KCNH5: variants seen among roughly 807,000 people sequenced by gnomAD.
The protein encoded by KCNH5 is potassium voltage-gated channel subfamily H member 5, also known as voltage-gated delayed rectifier potassium channel KCNH5.
In KCNH5, 46 loss-of-function variants were observed where a neutral mutation model predicts 96.1. The observed-to-expected ratio is 0.48, with a 90% confidence interval of 0.38 to 0.61. The LOEUF (loss-of-function observed/expected upper bound fraction) is 0.61, where lower values mean the gene tolerates loss of function less well. KCNH5 is among the 20% of genes least tolerant of loss of function. The pLI, the probability that KCNH5 is intolerant of heterozygous loss-of-function variation, is 0.00. For missense variants in KCNH5, 907 were observed against 1,225.8 expected (o/e 0.74, Z 3.88); for synonymous variants, 439 against 449.8 (o/e 0.98, Z 0.30).
At chr14:62,962,678 G>T (rs924174473) in intron 6 of KCNH5, among the ~76,000 whole-genome samples, 42 of 152,108 alleles carry the variant, frequency 2.8e-4, no homozygotes, top group African/African-American at 9.9e-4. Flanking sequence ...GGATACTATG[G>T]AAAGTTGCTG....
At chr14:62,728,033 T>C (rs1006125051) in intron 10 of KCNH5, among the ~76,000 whole-genome samples, 5 of 150,208 alleles carry the variant, frequency 3.3e-5, no homozygotes, top group African/African-American at 1.2e-4. Context: ...TGTATGCTTA[T>C]CAATAGTCAG....
intron 6 of KCNH5, among the ~76,000 whole-genome samples, chr14:62,967,017 G>A (rs1388867816): frequency 6.6e-6 from 1 of 152,034 alleles, no homozygotes. Flanking sequence ...AGGTTGTGTT[G>A]GTAATGTTTG....
chr14:62,863,881 T>G (rs572310274), intron 7 of KCNH5, among the ~76,000 whole-genome samples: 6 of 152,266 alleles, frequency 3.9e-5, no homozygotes, highest in African/African-American at 1.4e-4. Context: ...GTATACTTTT[T>G]TATATGTATC....
intron 7 of KCNH5, among the ~76,000 whole-genome samples, chr14:62,920,664 G>T (rs1322268437): frequency 6.6e-6 from 1 of 152,042 alleles, no homozygotes; most frequent in African/African-American, 2.4e-5. Context: ...GGGTATGTTT[G>T]TATCAAGAAA....
intron 7 of KCNH5, among the ~76,000 whole-genome samples, chr14:62,883,483 T>C (rs1006129200): frequency 3.3e-5 from 5 of 152,174 alleles, no homozygotes; most frequent in African/African-American, 9.7e-5. Flanking sequence ...AAGATCAAAA[T>C]TCCAGGACAC....
At chr14:62,721,495 A>ACTTG (rs1555352768) in intron 10 of KCNH5, among the ~76,000 whole-genome samples, 3 of 60,344 alleles carry the variant, frequency 5.0e-5, no homozygotes, top group South Asian at 7.2e-4. Context: ...TCTCTCACTC[A>ACTTG]CTCGCTCTCT....
At chr14:62,972,696 A>C (rs918914670) in intron 6 of KCNH5, among the ~76,000 whole-genome samples, 1 of 152,180 alleles carries the variant, frequency 6.6e-6, no homozygotes, top group African/African-American at 2.4e-5. Context: ...ATGAGCTATC[A>C]AGCCTTGAAA....
intron 1 of KCNH5, among the ~76,000 whole-genome samples, chr14:63,021,531 C>T (rs960922229): frequency 6.6e-6 from 1 of 152,146 alleles, no homozygotes; most frequent in Non-Finnish European, 1.5e-5. Context: ...ATGCCACATT[C>T]ACTGAATACC....
chr14:63,007,216 T>C (rs1891143585), intron 2 of KCNH5, among the ~76,000 whole-genome samples: 1 of 151,910 alleles, frequency 6.6e-6, no homozygotes, highest in Non-Finnish European at 1.5e-5. Flanking sequence ...CCAGAGGAGG[T>C]GACACCAGTT....
chr14:62,967,518 C>G (rs573127066), intron 6 of KCNH5, among the ~76,000 whole-genome samples: 1 of 152,080 alleles, frequency 6.6e-6, no homozygotes, highest in African/African-American at 2.4e-5. Context: ...TTTGTTAACC[C>G]TTTACCTAAA....
chr14:62,965,726 A>T (rs1255614026), intron 6 of KCNH5, among the ~76,000 whole-genome samples: 1 of 152,132 alleles, frequency 6.6e-6, no homozygotes, highest in Non-Finnish European at 1.5e-5. Flanking sequence ...TTAACAATTG[A>T]TCTAGTGATC....
chr14:62,950,833 A>G (rs1889990852), intron 6 of KCNH5, among the ~76,000 whole-genome samples: 1 of 152,214 alleles, frequency 6.6e-6, no homozygotes, highest in South Asian at 2.1e-4. Context: ...TCATAAGTAG[A>G]ATATAAATGG....
chr14:62,836,616 T>C (rs1487855078), intron 8 of KCNH5, among the ~76,000 whole-genome samples: 1 of 152,170 alleles, frequency 6.6e-6, no homozygotes, highest in African/African-American at 2.4e-5. Flanking sequence ...AGAGCCATCC[T>C]TCTCTATGTT....
At chr14:62,968,605 T>C (rs551269224) in intron 6 of KCNH5, among the ~76,000 whole-genome samples, 2 of 152,128 alleles carry the variant, frequency 1.3e-5, no homozygotes, top group South Asian at 2.1e-4. Flanking sequence ...GAAGAAAGAG[T>C]TTAGAGCACA....
At chr14:62,714,687 A>G (rs1041878854) in intron 10 of KCNH5, among the ~76,000 whole-genome samples, 2 of 152,222 alleles carry the variant, frequency 1.3e-5, no homozygotes, top group Admixed American at 6.5e-5. Flanking sequence ...TTGAGTTCAT[A>G]AGAGTTCAAC....
rs569798533 is a variant in KCNH5, at chr14:62,787,119, T to TA, written c.1823-7196dup. ...TCAAAAGCTAAAATAGGCTAAAAGC[T>TA]AGGCCTCTTGCACCAAACAGCTAGC... On this transcript the variant is annotated intron_variant, in intron 9 of 10. Transcript: ENST00000322893. Among the ~76,000 whole-genome samples, 23 of 152,314 alleles carry TA rather than the reference T, an allele frequency of 1.5e-4. No homozygotes were observed. In the South Asian group the frequency reaches 4.3e-3, roughly 29 times the overall value.
chr14:62,981,807 G>A (rs1029429060), intron 5 of KCNH5, among the ~76,000 whole-genome samples: 4 of 152,156 alleles, frequency 2.6e-5, no homozygotes, highest in African/African-American at 7.2e-5. Context: ...TCCTCCCTTA[G>A]ATCTGGACTT....
In KCNH5 at chr14:63,020,505, C is replaced by A. The variant is rs1221312207; in HGVS notation, c.74-3551G>T. ...AACAAAAAACTTCTGACACATGCAACAATATGACTCAAAAACATTATAAAA... is the reference window on the plus strand; with the variant it reads ...AACAAAAAACTTCTGACACATGCAAAAATATGACTCAAAAACATTATAAAA... On this transcript the variant is annotated intron_variant, in intron 1 of 10. Transcript: ENST00000322893. Among the ~76,000 whole-genome samples the A allele has an allele frequency of 2.0e-5, 3 of 152,016 alleles. No homozygotes were observed. The East Asian group carries it at 5.8e-4, about 29-fold the overall frequency.
intron 8 of KCNH5, among the ~76,000 whole-genome samples, chr14:62,803,077 G>A (rs1360229507): frequency 6.6e-6 from 1 of 152,178 alleles, no homozygotes; most frequent in Non-Finnish European, 1.5e-5. Flanking sequence ...CCTTATCCCA[G>A]GAGACAGAGA....
Sources: gnomAD v4.1 joint callset for allele counts (sites outside exome capture counted in the v4.1 genomes callset) on GRCh38, gnomAD v4.1.1 for gene constraint, MANE v1.5 for transcripts, NCBI Gene and HGNC (gene_info 2026-07-23, HGNC 2026-07-21) for gene names.